The following THSD4 variants were observed in gnomAD, a reference collection of about 807,000 sequenced individuals.
THSD4 encodes thrombospondin type 1 domain containing 4.
In THSD4, 69 loss-of-function variants were observed where a neutral mutation model predicts 119.0. The observed-to-expected ratio is 0.58, with a 90% confidence interval of 0.48 to 0.71. THSD4 has a LOEUF of 0.71. THSD4 is among the 30% of genes least tolerant of loss of function. The pLI, the probability that THSD4 is intolerant of heterozygous loss-of-function variation, is 0.00. For missense variants in THSD4, 1,393 were observed against 1,391.1 expected (o/e 1.00, Z -0.02); for synonymous variants, 524 against 540.4 (o/e 0.97, Z 0.42).
chr15:71,735,560 CTG>C (rs2053070134), intron 10 of THSD4, among the ~76,000 whole-genome samples: 1 of 151,908 alleles, frequency 6.6e-6, no homozygotes, highest in Admixed American at 6.6e-5. Flanking sequence ...TTATTGCTCT[CTG>C]TCTCTCTCGC....
chr15:71,763,778 G>C (rs1003427726), intron 15 of THSD4, among the ~76,000 whole-genome samples: 1 of 151,358 alleles, frequency 6.6e-6, no homozygotes, highest in African/African-American at 2.4e-5. Flanking sequence ...TAATTAGTCG[G>C]GCAAGGCCTG....
At chr15:71,516,762 TTA>T (rs908562575) in intron 7 of THSD4, among the ~76,000 whole-genome samples, 3 of 152,230 alleles carry the variant, frequency 2.0e-5, no homozygotes, top group Admixed American at 1.3e-4. Context: ...GATGTACCAG[TTA>T]TAGTTTTCTA....
chr15:71,502,159 G>A (rs1417764007), intron 7 of THSD4, among the ~76,000 whole-genome samples: 2 of 152,218 alleles, frequency 1.3e-5, no homozygotes. Flanking sequence ...GGGATAAATA[G>A]CATGGTGGTT....
At chr15:71,282,319 G>A (rs1175688562) in intron 6 of THSD4, among the ~76,000 whole-genome samples, 1 of 152,034 alleles carries the variant, frequency 6.6e-6, no homozygotes, top group East Asian at 1.9e-4. Flanking sequence ...TTGGTGCTTG[G>A]ATTAAAAGTG....
At chr15:71,471,151 C>T (rs1224386635) in intron 7 of THSD4, among the ~76,000 whole-genome samples, 2 of 152,150 alleles carry the variant, frequency 1.3e-5, no homozygotes, top group East Asian at 1.9e-4. Flanking sequence ...CTTTGCTGCT[C>T]TCCTCCCATC....
At chr15:71,327,425 T>G (rs1336574483) in intron 6 of THSD4, among the ~76,000 whole-genome samples, 1 of 152,166 alleles carries the variant, frequency 6.6e-6, no homozygotes, top group African/African-American at 2.4e-5. Context: ...GAACTTCCTT[T>G]CTTGGGACTC....
intron 8 of THSD4, among the ~76,000 whole-genome samples, chr15:71,673,848 C>G (rs959947816): frequency 6.6e-6 from 1 of 152,188 alleles, no homozygotes; most frequent in Admixed American, 6.5e-5. Context: ...GGTCCGCCTC[C>G]CAGGTTCACA....
At chr15:71,468,355 A>G (rs898801549) in intron 7 of THSD4, among the ~76,000 whole-genome samples, 5 of 152,216 alleles carry the variant, frequency 3.3e-5, no homozygotes, top group African/African-American at 1.2e-4. Flanking sequence ...GAACAGAATC[A>G]TACAGGTCTG....
chr15:71,157,962 C>T (rs1207851544), intron 3 of THSD4, among the ~76,000 whole-genome samples: 2 of 151,926 alleles, frequency 1.3e-5, no homozygotes, highest in Non-Finnish European at 2.9e-5. Flanking sequence ...ACAGATGTTT[C>T]TTGAACATTC....
At chr15:71,447,662 A>G (rs1370900504) in intron 7 of THSD4, among the ~76,000 whole-genome samples, 1 of 152,266 alleles carries the variant, frequency 6.6e-6, no homozygotes. Flanking sequence ...GAATATAAAA[A>G]TAAAAGACAA....
intron 7 of THSD4, among the ~76,000 whole-genome samples, chr15:71,579,663 G>A (rs2049520953): frequency 6.6e-6 from 1 of 152,106 alleles, no homozygotes; most frequent in Admixed American, 6.6e-5. Context: ...CTCAAATTGG[G>A]TCATGTATCT....
chr15:71,238,141 A>T (rs1470188552), intron 4 of THSD4, among the ~76,000 whole-genome samples: 1 of 152,134 alleles, frequency 6.6e-6, no homozygotes, highest in Admixed American at 6.5e-5. Flanking sequence ...ATCACACATG[A>T]TGCTCAATAG....
chr15:71,711,744 G>A (rs1422430727), intron 8 of THSD4, among the ~76,000 whole-genome samples: 1 of 152,046 alleles, frequency 6.6e-6, no homozygotes, highest in Admixed American at 6.6e-5. Context: ...ATCAAAAGCA[G>A]GAGTGGCTAT....
chr15:71,155,394 C>T (rs1301813156), intron 3 of THSD4, among the ~76,000 whole-genome samples: 1 of 152,178 alleles, frequency 6.6e-6, no homozygotes, highest in Non-Finnish European at 1.5e-5. Context: ...CCCTATGATC[C>T]AATCACCTTC....
chr15:71,394,196 G>A (rs915922787), intron 6 of THSD4, among the ~76,000 whole-genome samples: 1 of 151,110 alleles, frequency 6.6e-6, no homozygotes, highest in African/African-American at 2.4e-5. Flanking sequence ...GAGAGATGGT[G>A]CAAACTAGAC....
At chr15:71,154,561 C>T (rs1194563407) in intron 2 of THSD4, among the ~76,000 whole-genome samples, 1 of 152,214 alleles carries the variant, frequency 6.6e-6, no homozygotes, top group African/African-American at 2.4e-5. Context: ...CCGTTGTCAT[C>T]CCCGTTTTTC....
intron 7 of THSD4, among the ~76,000 whole-genome samples, chr15:71,509,703 T>C (rs2048249611): frequency 6.6e-6 from 1 of 152,210 alleles, no homozygotes; most frequent in Admixed American, 6.5e-5. Flanking sequence ...AACCATTTGA[T>C]ATGAAATTAA....
chr15:71,523,457 C>T (rs1367687684), intron 7 of THSD4, among the ~76,000 whole-genome samples: 3 of 152,186 alleles, frequency 2.0e-5, no homozygotes, highest in Non-Finnish European at 4.4e-5. Flanking sequence ...ATTATGAGAT[C>T]CTTAGTCACA....
intron 8 of THSD4, among the ~76,000 whole-genome samples, chr15:71,702,280 C>T (rs901132409): frequency 6.6e-6 from 1 of 152,152 alleles, no homozygotes; most frequent in Non-Finnish European, 1.5e-5. Flanking sequence ...CTCTGAAGCT[C>T]ATAGTCATAT....
Sources: gnomAD v4.1 joint callset for allele counts (sites outside exome capture counted in the v4.1 genomes callset) on GRCh38, gnomAD v4.1.1 for gene constraint, MANE v1.5 for transcripts, NCBI Gene and HGNC (gene_info 2026-07-23, HGNC 2026-07-21) for gene names.